MAPK4: variants seen among roughly 807,000 people sequenced by gnomAD.
MAPK4 encodes the protein mitogen-activated protein kinase 4.
In MAPK4, 22 loss-of-function variants were observed where a neutral mutation model predicts 47.7. The observed-to-expected ratio is 0.46, with a 90% CI of 0.33 to 0.66. The LOEUF is 0.66. MAPK4 is among the 30% of genes least tolerant of loss of function. MAPK4 has a pLI of 0.02. For missense variants in MAPK4, 736 were observed against 831.7 expected, an observed-to-expected ratio of 0.88 and a Z score of 1.42; for synonymous variants, 390 against 365.7, an observed-to-expected ratio of 1.07 and a Z score of -0.76.
chr18:50,569,323 A>G (rs558946368), intron 1 of MAPK4, among the ~76,000 whole-genome samples: 16 of 152,352 alleles, frequency 1.1e-4, no homozygotes, highest in African/African-American at 2.6e-4. Context: ...AGTGCTTCAT[A>G]TAATTAGTGA....
chr18:50,567,835 A>G (rs911278440), intron 1 of MAPK4, among the ~76,000 whole-genome samples: 4 of 151,916 alleles, frequency 2.6e-5, no homozygotes, highest in Non-Finnish European at 5.9e-5. Context: ...TTAAAAAAAA[A>G]AAATGACCTG....
chr18:50,684,184 C>T (rs1322765710), intron 2 of MAPK4, among the ~76,000 whole-genome samples: 2 of 152,116 alleles, frequency 1.3e-5, no homozygotes, highest in Non-Finnish European at 2.9e-5. Flanking sequence ...GGCTTGATTC[C>T]ATTAAATAAC....
chr18:50,624,493 AG>A (rs1196232622), intron 1 of MAPK4, among the ~76,000 whole-genome samples: 1 of 152,232 alleles, frequency 6.6e-6, no homozygotes, highest in Admixed American at 6.5e-5. Flanking sequence ...TATTGTTAAT[AG>A]TATATAACTT....
intron 2 of MAPK4, among the ~76,000 whole-genome samples, chr18:50,667,168 C>T (rs1459304662): frequency 6.6e-6 from 1 of 152,202 alleles, no homozygotes; most frequent in African/African-American, 2.4e-5. Context: ...AGACTCATCA[C>T]TCTCTGCTCT....
intron 1 of MAPK4, among the ~76,000 whole-genome samples, chr18:50,644,885 G>T (rs79193958): frequency 0.013 from 1,961 of 152,276 alleles, 42 homozygotes; most frequent in African/African-American, 0.045. Flanking sequence ...CATAAGACGT[G>T]CTATTCCCCC....
intron 1 of MAPK4, among the ~76,000 whole-genome samples, chr18:50,583,451 T>C (rs2042363677): frequency 6.6e-6 from 1 of 152,138 alleles, no homozygotes; most frequent in Non-Finnish European, 1.5e-5. Flanking sequence ...TAGCCAGGCA[T>C]GGTGGTGTGC....
At chr18:50,725,180 G>T (rs1224699678) in intron 4 of MAPK4, among the ~76,000 whole-genome samples, 1 of 152,214 alleles carries the variant, frequency 6.6e-6, no homozygotes, top group Non-Finnish European at 1.5e-5. Flanking sequence ...GACATGAAAG[G>T]ACTACTGCTT....
intron 1 of MAPK4, among the ~76,000 whole-genome samples, chr18:50,576,886 A>T (rs898894594): frequency 6.6e-6 from 1 of 152,214 alleles, no homozygotes; most frequent in Non-Finnish European, 1.5e-5. Flanking sequence ...AAAGGACCTC[A>T]TGAGAATGGA....
intron 1 of MAPK4, among the ~76,000 whole-genome samples, chr18:50,579,794 G>A (rs2042328026): frequency 3.3e-5 from 5 of 152,208 alleles, no homozygotes; most frequent in Admixed American, 3.3e-4. Flanking sequence ...GCCCATCACA[G>A]TTGCACACCA....
At chr18:50,630,238 G>T (rs1314727542) in intron 1 of MAPK4, among the ~76,000 whole-genome samples, 1 of 152,144 alleles carries the variant, frequency 6.6e-6, no homozygotes, top group Non-Finnish European at 1.5e-5. Context: ...ACCCAGGCTG[G>T]AGTGCAGTGG....
chr18:50,625,320 G>T (rs1227638312), intron 1 of MAPK4, among the ~76,000 whole-genome samples: 2 of 152,172 alleles, frequency 1.3e-5, no homozygotes, highest in Non-Finnish European at 2.9e-5. Context: ...GCTAAGAGAT[G>T]GCAAAAGCGC....
chr18:50,559,904 CT>C (rs2042135828), upstream of MAPK4, among the ~76,000 whole-genome samples: 1 of 151,376 alleles, frequency 6.6e-6, no homozygotes, highest in Admixed American at 6.6e-5. Context: ...GCTGAGCGGC[CT>C]GGAGGCTGCG....
chr18:50,605,049 T>C (rs2042570708), intron 1 of MAPK4, among the ~76,000 whole-genome samples: 1 of 152,250 alleles, frequency 6.6e-6, no homozygotes, highest in Non-Finnish European at 1.5e-5. Context: ...TGCCACCTAC[T>C]GAGCTCTCAC....
At chr18:50,604,591 A>C (rs2042567435) in intron 1 of MAPK4, among the ~76,000 whole-genome samples, 1 of 152,230 alleles carries the variant, frequency 6.6e-6, no homozygotes, top group South Asian at 2.1e-4. Flanking sequence ...CGATCTGAGA[A>C]AGAGACTGAT....
At chr18:50,668,087 G>T (rs1907705994) in intron 2 of MAPK4, among the ~76,000 whole-genome samples, 1 of 152,216 alleles carries the variant, frequency 6.6e-6, no homozygotes, top group Non-Finnish European at 1.5e-5. Flanking sequence ...TTACTGTAAG[G>T]GTTAGGGTTA....
chr18:50,621,530 C>T (rs140971773), intron 1 of MAPK4, among the ~76,000 whole-genome samples: 42 of 152,242 alleles, frequency 2.8e-4, no homozygotes, highest in African/African-American at 7.9e-4. Context: ...AGCCACAATC[C>T]GCCAAGAAGC....
At chr18:50,572,018 A>C (rs1473183768) in intron 1 of MAPK4, among the ~76,000 whole-genome samples, 1 of 152,248 alleles carries the variant, frequency 6.6e-6, no homozygotes, top group Non-Finnish European at 1.5e-5. Context: ...ATCACATAGG[A>C]AGAGGAGGTG....
chr18:50,639,952 G>A (rs182282512), intron 1 of MAPK4, among the ~76,000 whole-genome samples: 37 of 152,308 alleles, frequency 2.4e-4, no homozygotes, highest in Admixed American at 8.5e-4. Context: ...CTGAACTAGC[G>A]TCTGATATTT....
chr18:50,578,164 A>C (rs1164845596), intron 1 of MAPK4, among the ~76,000 whole-genome samples: 1 of 152,178 alleles, frequency 6.6e-6, no homozygotes, highest in African/African-American at 2.4e-5. Flanking sequence ...GTATTTCTGC[A>C]TCTGGCCCCC....
Sources: allele counts gnomAD v4.1 joint callset (sites outside exome capture counted in the v4.1 genomes callset), GRCh38; gene constraint gnomAD v4.1.1; transcripts MANE v1.5; gene names NCBI Gene and HGNC (gene_info 2026-07-23, HGNC 2026-07-21).